The following OXR1 variants were observed in gnomAD, a reference collection of about 807,000 sequenced individuals.
OXR1 encodes oxidation resistance protein 1.
In OXR1, 41 loss-of-function variants were observed where a neutral mutation model predicts 104.6. The ratio of observed to expected loss-of-function variants is 0.39; its 90% confidence interval spans 0.31 to 0.51. OXR1 has a LOEUF of 0.51. OXR1 is among the 20% of genes least tolerant of loss of function. OXR1 has a pLI of 0.77. For missense variants in OXR1, 955 were observed against 1,031.9 expected, an observed-to-expected ratio of 0.93 and a Z score of 1.02; for synonymous variants, 348 against 348.4, an observed-to-expected ratio of 1.00 and a Z score of 0.01.
At chr8:106,469,981 G>T (rs1166235844) in intron 2 of OXR1, among the ~76,000 whole-genome samples, 1 of 151,726 alleles carries the variant, frequency 6.6e-6, no homozygotes, top group Non-Finnish European at 1.5e-5. Context: ...TTTAGGCAGG[G>T]CAAGTAGGTA....
intron 3 of OXR1, among the ~76,000 whole-genome samples, chr8:106,658,364 G>T (rs1011793927): frequency 6.6e-6 from 1 of 152,216 alleles, no homozygotes; most frequent in African/African-American, 2.4e-5. Flanking sequence ...GACTCGTTCG[G>T]CTCTGGGGAG....
intron 2 of OXR1, among the ~76,000 whole-genome samples, chr8:106,361,989 T>G (rs995709906): frequency 1.5e-4 from 23 of 152,210 alleles, no homozygotes; most frequent in Non-Finnish European, 1.5e-5. Context: ...AGCTACATGC[T>G]TCCAGTGTTC....
intron 2 of OXR1, among the ~76,000 whole-genome samples, chr8:106,382,187 A>G (rs1817176223): frequency 6.6e-6 from 1 of 152,168 alleles, no homozygotes; most frequent in Non-Finnish European, 1.5e-5. Context: ...TTCTTTCTGA[A>G]TACTTTGCTT....
At chr8:106,292,803 T>G (rs1563699139) in intron 1 of OXR1, among the ~76,000 whole-genome samples, 1 of 152,134 alleles carries the variant, frequency 6.6e-6, no homozygotes, top group Non-Finnish European at 1.5e-5. Flanking sequence ...GCCTGTGAGG[T>G]AGCGAAAATC....
rs1820835696 is a variant in OXR1, at chr8:106,460,340, C to CT, written c.24-58598dup. Among the ~76,000 whole-genome samples, 4 of 152,146 alleles carry CT rather than the reference C, an allele frequency of 2.6e-5. No individual in the cohort carries two copies. In the South Asian group the frequency reaches 8.3e-4, roughly 32 times the overall value. On this transcript the variant is annotated intron_variant, in intron 2 of 16. Transcript: ENST00000517566. ...CATGCACAGGATTAAGTGCCTTCAT[C>CT]TTTTTATATATGAGAAACATGACTC...
intron 3 of OXR1, among the ~76,000 whole-genome samples, chr8:106,559,799 T>C (rs1022414523): frequency 9.2e-5 from 14 of 152,162 alleles, no homozygotes; most frequent in Non-Finnish European, 1.5e-4. Context: ...CATGACCTAG[T>C]CAACTCCCAA....
intron 1 of OXR1, among the ~76,000 whole-genome samples, chr8:106,282,693 A>T (rs1474198271): frequency 6.6e-6 from 1 of 152,242 alleles, no homozygotes; most frequent in Admixed American, 6.5e-5. Flanking sequence ...AAAGGTCTTT[A>T]TCCTTATCCT....
At chr8:106,589,190 C>A (rs1818885635) in intron 3 of OXR1, among the ~76,000 whole-genome samples, 1 of 152,152 alleles carries the variant, frequency 6.6e-6, no homozygotes, top group Non-Finnish European at 1.5e-5. Flanking sequence ...GGTGAGCTGG[C>A]ACCATCACAG....
At chr8:106,641,702 T>C (rs535535204) in intron 3 of OXR1, among the ~76,000 whole-genome samples, 1 of 152,252 alleles carries the variant, frequency 6.6e-6, no homozygotes, top group South Asian at 2.1e-4. Flanking sequence ...CAAGCTGTTT[T>C]CTGAGCTTAG....
At chr8:106,468,409 C>T (rs1485640950) in intron 2 of OXR1, among the ~76,000 whole-genome samples, 1 of 151,320 alleles carries the variant, frequency 6.6e-6, no homozygotes, top group Non-Finnish European at 1.5e-5. Context: ...ATACTACATC[C>T]ACACACACAC....
intron 3 of OXR1, among the ~76,000 whole-genome samples, chr8:106,663,952 C>G (rs1826019051): frequency 6.6e-6 from 1 of 152,154 alleles, no homozygotes; most frequent in Non-Finnish European, 1.5e-5. Flanking sequence ...ACAACCACCA[C>G]CACCACAAAA....
rs978290398 is a variant in OXR1 at position 106,452,483 on chromosome 8, C to A, written c.24-66460C>A. On this transcript the variant is annotated intron_variant, in intron 2 of 16. Transcript: ENST00000517566. Reference sequence around the variant, plus strand: ...GGAAAATTGTTTCATATCTTGTTATCTTTACCAAAAATTAAAAATCACCAC... The same window carrying A: ...GGAAAATTGTTTCATATCTTGTTATATTTACCAAAAATTAAAAATCACCAC... 2.0e-5 allele frequency among the ~76,000 whole-genome samples: 3 copies of A among 152,078 alleles called. No homozygotes were observed. The East Asian group carries it at 5.8e-4, about 29-fold the overall frequency.
In OXR1 at chr8:106,733,841, A is replaced by G. The variant is rs936581888; in HGVS notation, c.1957-3679A>G. 1.8e-3 allele frequency among the ~76,000 whole-genome samples: 267 copies of G among 145,116 alleles called. 2 individuals are homozygous for G. The highest frequency in any genetic ancestry group is 6.5e-3 in the African/African-American group (255 of 39,140). On this transcript the variant is annotated intron_variant, in intron 11 of 16. Coordinates refer to ENST00000517566, the MANE Select transcript of OXR1 (RefSeq NM_001198533.2). ...ACTCCGTCTCAAAAAAAAAAAAAAA[A>G]GAAAAGAAAAAAAAAAGGATATGGG...
chr8:106,273,911 T>A (rs1811920289), intron 1 of OXR1, among the ~76,000 whole-genome samples: 2 of 152,272 alleles, frequency 1.3e-5, no homozygotes, highest in South Asian at 4.1e-4. Flanking sequence ...AGAACTATTC[T>A]GCTGTACTAA....
At chr8:106,548,987 AC>A (rs1029676610) in intron 3 of OXR1, among the ~76,000 whole-genome samples, 4 of 152,194 alleles carry the variant, frequency 2.6e-5, no homozygotes, top group African/African-American at 9.7e-5. Context: ...TAACTTCCGC[AC>A]ATCCATGAAT....
At chr8:106,411,570 T>C (rs931476120) in intron 2 of OXR1, among the ~76,000 whole-genome samples, 1 of 152,184 alleles carries the variant, frequency 6.6e-6, no homozygotes, top group Non-Finnish European at 1.5e-5. Context: ...TTTTATTCCC[T>C]GTCCTTCACA....
intron 3 of OXR1, among the ~76,000 whole-genome samples, chr8:106,637,741 T>G (rs1284225364): frequency 1.3e-5 from 2 of 150,970 alleles, no homozygotes; most frequent in Non-Finnish European, 2.9e-5. Flanking sequence ...GAGTATACTC[T>G]AGACACTACA....
chr8:106,414,008 G>T (rs981097042), intron 2 of OXR1, among the ~76,000 whole-genome samples: 1 of 152,078 alleles, frequency 6.6e-6, no homozygotes, highest in East Asian at 1.9e-4. Context: ...GATTACAGAC[G>T]TGAGCCACTG....
chr8:106,603,502 C>T (rs1820128121), intron 3 of OXR1, among the ~76,000 whole-genome samples: 1 of 152,096 alleles, frequency 6.6e-6, no homozygotes, highest in Admixed American at 6.6e-5. Context: ...AAAACCTCCA[C>T]AACGTATTTC....
Sources: allele counts gnomAD v4.1 joint callset (sites outside exome capture counted in the v4.1 genomes callset), GRCh38; gene constraint gnomAD v4.1.1; transcripts MANE v1.5; gene names NCBI Gene and HGNC (gene_info 2026-07-23, HGNC 2026-07-21).